The following POLA1 variants were observed in gnomAD, a reference collection of about 807,000 sequenced individuals.
POLA1 encodes the protein DNA polymerase alpha 1, catalytic subunit, also known as DNA polymerase alpha catalytic subunit.
Under a neutral mutation model 124.0 loss-of-function variants are expected in POLA1, and 15 were observed. The observed-to-expected ratio is 0.12, with a 90% CI of 0.08 to 0.19. POLA1 has a LOEUF of 0.19. Ranked by LOEUF, POLA1 falls within the 10% of genes least tolerant of loss-of-function variation. The pLI is 1.00. For missense variants in POLA1, 886 were observed against 1,103.4 expected (o/e 0.80, Z 2.79); for synonymous variants, 408 against 389.4 (o/e 1.05, Z -0.56).
rs762227658 is a variant in POLA1 at position 24,738,162 on chromosome X, G to A, written c.2040+421G>A. On this transcript the variant is annotated intron_variant, in intron 19 of 36. Coordinates refer to ENST00000379068, the MANE Select transcript of POLA1 (RefSeq NM_001330360.2). ...CGGGAAGCGGAGCTTGCAGTGAGCC[G>A]AGATTGCGCCACTGCAGTCCGCAGT... is the stretch of plus-strand genomic sequence containing the variant. Among the ~76,000 whole-genome samples, 5 of 96,150 alleles carry A rather than the reference G, an allele frequency of 5.2e-5. No homozygotes were observed. In the East Asian group the frequency reaches 1.0e-3, roughly 19 times the overall value. The allele number at this position is 96,150 out of a possible 115,157, so 83.5% of individuals were successfully genotyped here. A position where few individuals can be genotyped will look rare whatever the true frequency, so the allele number is the denominator to read the frequency against.
chrX:24,810,579 A>G, intron 27 of POLA1, 129 bp from the exon 28 acceptor site: 1 of 361,611 alleles, frequency 2.8e-6, no homozygotes, highest in Non-Finnish European at 4.8e-6. Context: ...CAATATAAAT[A>G]ATAATTAACA....
chrX:24,757,144 T>A (rs7064839), intron 26 of POLA1, among the ~76,000 whole-genome samples: 6,464 of 111,537 alleles, frequency 0.058, 450 homozygotes, highest in African/African-American at 0.2. Flanking sequence ...GTTGCTTACA[T>A]TATAAAATTT....
At chrX:24,708,191 A>G (rs1265974301) in intron 4 of POLA1, among the ~76,000 whole-genome samples, 2 of 110,909 alleles carry the variant, frequency 1.8e-5, no homozygotes, top group African/African-American at 6.6e-5. Flanking sequence ...CTTCCTTGCT[A>G]TTCAAACCTC....
At chrX:24,790,255 A>G (rs2045466435) in intron 26 of POLA1, among the ~76,000 whole-genome samples, 1 of 112,223 alleles carries the variant, frequency 8.9e-6, no homozygotes, top group Admixed American at 9.5e-5. Flanking sequence ...CTATAGTTGC[A>G]GGAGGTTTAA....
intron 15 of POLA1, among the ~76,000 whole-genome samples, chrX:24,730,020 C>T (rs1930798210): frequency 9.1e-6 from 1 of 110,472 alleles, no homozygotes; most frequent in South Asian, 3.8e-4. Flanking sequence ...TGGTCTTGAA[C>T]CCCTGACCTC....
intron 26 of POLA1, among the ~76,000 whole-genome samples, chrX:24,808,563 A>G (rs2045844794): frequency 9.1e-6 from 1 of 109,992 alleles, no homozygotes; most frequent in Non-Finnish European, 1.9e-5. Context: ...TACAGTCAGT[A>G]TTAAAACCAC....
chrX:24,860,598 A>C (rs771667352), intron 34 of POLA1, among the ~76,000 whole-genome samples: 3 of 112,635 alleles, frequency 2.7e-5, no homozygotes, highest in Admixed American at 9.4e-5. Context: ...ATAGTAATGC[A>C]GTATTTCATT....
chrX:24,882,835 A>G (rs780489340), intron 34 of POLA1, among the ~76,000 whole-genome samples: 1 of 110,537 alleles, frequency 9.0e-6, no homozygotes, highest in East Asian at 2.8e-4. Flanking sequence ...TCTTTTTTGT[A>G]GAACAGTTTA....
rs1295520464 is a variant in POLA1, at chrX:24,996,506, A to G, written c.*556A>G. The G allele has an allele frequency of 8.8e-6, 1 of 113,175 alleles. No homozygotes were observed. Among genetic ancestry groups the G allele is most frequent in the African/African-American group, 3.2e-5 (1 of 31,010 alleles). The allele number at this position is 113,175 out of a possible 1,213,427, so 9.3% of individuals were successfully genotyped here. On this transcript the variant is annotated 3_prime_UTR_variant, in exon 37 of 37. Coordinates refer to ENST00000379068, the MANE Select transcript of POLA1 (RefSeq NM_001330360.2). ...TTTAGAAGCCTTGCACTCACTAAAT[A>G]GATTAAACAGAGCAGGCTTGTTTGT...
chrX:24,694,426 A>G (rs1420733530), intron 1 of POLA1, among the ~76,000 whole-genome samples: 1 of 112,675 alleles, frequency 8.9e-6, no homozygotes, highest in Non-Finnish European at 1.9e-5. Context: ...AATTTTATAC[A>G]TTGTAACTAA....
chrX:24,974,278 T>G (rs1481939748), intron 36 of POLA1, among the ~76,000 whole-genome samples: 1 of 111,388 alleles, frequency 9.0e-6, no homozygotes. Context: ...AGGCTGCTGC[T>G]GGCGTCTAGT....
chrX:24,982,387 A>C (rs906551438), intron 36 of POLA1, among the ~76,000 whole-genome samples: 2 of 110,664 alleles, frequency 1.8e-5, no homozygotes, highest in African/African-American at 3.3e-5. Context: ...TGTTCTGTTC[A>C]GGTGGGGGTT....
At chrX:24,786,377 G>A (rs1226825045) in intron 26 of POLA1, among the ~76,000 whole-genome samples, 2 of 112,171 alleles carry the variant, frequency 1.8e-5, no homozygotes, top group Non-Finnish European at 3.8e-5. Flanking sequence ...ATGTCATTGT[G>A]GTTGTGATTT....
intron 13 of POLA1, 41 bp from the exon 14 acceptor site, chrX:24,726,892 A>G: frequency 9.4e-7 from 1 of 1,061,728 alleles, no homozygotes; most frequent in African/African-American, 1.9e-5. Flanking sequence ...GCAAAGTAAT[A>G]GTTTTAAACA....
At chrX:24,823,900 C>T (rs1485258890) in intron 31 of POLA1, among the ~76,000 whole-genome samples, 5 of 112,515 alleles carry the variant, frequency 4.4e-5, no homozygotes, top group African/African-American at 1.3e-4. Flanking sequence ...AGGTTGTTAG[C>T]GCATTAAACC....
intron 36 of POLA1, among the ~76,000 whole-genome samples, chrX:24,954,989 GCT>G (rs1411722550): frequency 8.9e-6 from 1 of 111,764 alleles, no homozygotes; most frequent in Non-Finnish European, 1.9e-5. Context: ...TTGTGAGCTT[GCT>G]CTTTTTTCCT....
chrX:24,740,458 G>T (rs1179891103), intron 20 of POLA1, among the ~76,000 whole-genome samples: 1 of 111,620 alleles, frequency 9.0e-6, no homozygotes, highest in Non-Finnish European at 1.9e-5. Context: ...TTACCCCCTT[G>T]TGGTCGATTC....
chrX:24,821,647 C>G, intron 31 of POLA1, 64 bp downstream of exon 31: 1 of 880,321 alleles, frequency 1.1e-6, no homozygotes, highest in Non-Finnish European at 1.6e-6. Context: ...ATCCAAATTA[C>G]CACAGTGTCT....
At chrX:24,900,821 G>A (rs1221696755) in intron 35 of POLA1, among the ~76,000 whole-genome samples, 2 of 111,336 alleles carry the variant, frequency 1.8e-5, no homozygotes, top group Non-Finnish European at 3.8e-5. Flanking sequence ...AGGTTTTAGG[G>A]CAGCACTCTT....
Sources: gnomAD v4.1 joint callset for allele counts (sites outside exome capture counted in the v4.1 genomes callset) on GRCh38, gnomAD v4.1.1 for gene constraint, MANE v1.5 for transcripts, NCBI Gene and HGNC (gene_info 2026-07-23, HGNC 2026-07-21) for gene names.